Variants in MNAT1 observed in about 807,000 individuals in gnomAD.
The protein encoded by MNAT1 is MNAT1 component of CDK activating kinase.
Under a neutral mutation model 42.0 loss-of-function variants are expected in MNAT1, and 43 were observed. The ratio of observed to expected loss-of-function variants is 1.02; its 90% CI spans 0.80 to 1.32. The LOEUF (loss-of-function observed/expected upper bound fraction) is 1.32. Among genes scored for constraint, MNAT1 ranks in the 40% most tolerant of loss-of-function variants. The pLI is 0.00. For missense variants in MNAT1, 306 were observed against 350.4 expected (o/e 0.87, Z 1.01); for synonymous variants, 118 against 120.0 (o/e 0.98, Z 0.11).
chr14:60,968,633 A>G lies in MNAT1; in HGVS notation c.*284A>G. On this transcript the variant is annotated 3_prime_UTR_variant, in exon 8 of 8. Transcript: ENST00000261245. ...TCACCTATATGTGTTTGAGGTTGTG[A>G]CAGACTTATAAAATCTTTTTAAAAA... 1 of 747,976 alleles carries G rather than the reference A, an allele frequency of 1.3e-6. No individual in the cohort carries two copies. 46.3% of individuals were successfully genotyped at this position (747,976 alleles called of 1,614,324 possible).
chr14:60,813,329 T>C (rs2032613669), intron 5 of MNAT1, among the ~76,000 whole-genome samples: 1 of 152,154 alleles, frequency 6.6e-6, no homozygotes, highest in African/African-American at 2.4e-5. Flanking sequence ...ACCCACGTGC[T>C]CCCTCCCACA....
intron 6 of MNAT1, among the ~76,000 whole-genome samples, chr14:60,849,601 G>A (rs2033769770): frequency 2.0e-5 from 3 of 152,230 alleles, no homozygotes; most frequent in Admixed American, 6.5e-5. Flanking sequence ...CAGTGAACTT[G>A]CATGTAAATA....
chr14:60,841,475 G>A (rs2033550984), intron 6 of MNAT1, among the ~76,000 whole-genome samples: 1 of 150,332 alleles, frequency 6.7e-6, no homozygotes, highest in Non-Finnish European at 1.5e-5. Flanking sequence ...ATCTTTAGAT[G>A]TTCTGTTTGG....
At chr14:60,789,468 G>A (rs143601166) in intron 1 of MNAT1, among the ~76,000 whole-genome samples, 5 of 152,206 alleles carry the variant, frequency 3.3e-5, no homozygotes, top group African/African-American at 1.2e-4. Flanking sequence ...CCATGGCAGC[G>A]TTGCCACAAA....
At chr14:60,876,988 T>G (rs114914634) in intron 6 of MNAT1, among the ~76,000 whole-genome samples, 2 of 152,080 alleles carry the variant, frequency 1.3e-5, no homozygotes, top group Admixed American at 1.3e-4. Context: ...AATTCTGTTT[T>G]TAATTTTTTG....
chr14:60,835,882 G>A (rs1407872944), intron 6 of MNAT1, among the ~76,000 whole-genome samples: 1 of 152,104 alleles, frequency 6.6e-6, no homozygotes, highest in Admixed American at 6.5e-5. Context: ...GTCAAACGTA[G>A]GTTTGGTCTT....
chr14:60,810,367 C>A (rs2032505340), intron 4 of MNAT1, among the ~76,000 whole-genome samples: 1 of 151,466 alleles, frequency 6.6e-6, no homozygotes, highest in Non-Finnish European at 1.5e-5. Flanking sequence ...TTATTTTAAT[C>A]CTTTGTTCTG....
rs534565815 is a variant in MNAT1, at chr14:60,921,136, T to C, written c.809+41301T>C. On this transcript the variant is annotated intron_variant, in intron 7 of 7. Transcript: ENST00000261245. Reference sequence around the variant, plus strand: ...ATAAGGAAAACATAAACCTAAGAAATATTAGATGTTACATAAACTGTTGGA... The same window carrying C: ...ATAAGGAAAACATAAACCTAAGAAACATTAGATGTTACATAAACTGTTGGA... 1.7e-4 allele frequency among the ~76,000 whole-genome samples: 26 copies of C among 152,246 alleles called. No homozygotes were observed. In the South Asian group the frequency reaches 5.2e-3, roughly 30 times the overall value.
chr14:60,943,240 C>A (rs2036212812), intron 7 of MNAT1, among the ~76,000 whole-genome samples: 2 of 151,954 alleles, frequency 1.3e-5, no homozygotes, highest in South Asian at 4.1e-4. Flanking sequence ...TTCTATAGAT[C>A]TGAGTCACTT....
chr14:60,820,950 T>G lies in MNAT1; in HGVS notation c.687+2103T>G, dbSNP rs8015531. 5.4e-4 allele frequency among the ~76,000 whole-genome samples: 82 copies of G among 152,202 alleles called. 1 individual carries two copies. The highest frequency in any genetic ancestry group is 1.9e-3 in the African/African-American group (79 of 41,526). ...GTCAATGGTAAAATGGAGTTAGCCA[T>G]GCAAAAATACAGGCAGAGAAAAGAG... On this transcript the variant is annotated intron_variant, in intron 6 of 7. Coordinates refer to ENST00000261245, the MANE Select transcript of MNAT1 (RefSeq NM_002431.4).
chr14:60,842,073 G>A lies in MNAT1; in HGVS notation c.687+23226G>A, dbSNP rs544622161. Among the ~76,000 whole-genome samples, 4 of 152,218 alleles carry A rather than the reference G, an allele frequency of 2.6e-5. No individual in the cohort carries two copies. The South Asian group carries it at 6.2e-4, about 24-fold the overall frequency. ...TTCTCTAGAGCAGAGGTGGACAAACGGCAGCTAACTGACTAAATCCCACCT... is the reference window on the plus strand; with the variant it reads ...TTCTCTAGAGCAGAGGTGGACAAACAGCAGCTAACTGACTAAATCCCACCT... On this transcript the variant is annotated intron_variant, in intron 6 of 7. Transcript: ENST00000261245.
chr14:60,882,614 G>A (rs1383723461), intron 7 of MNAT1, among the ~76,000 whole-genome samples: 1 of 152,094 alleles, frequency 6.6e-6, no homozygotes, highest in Non-Finnish European at 1.5e-5. Flanking sequence ...TGGGATTGCT[G>A]GATCATATAG....
intron 6 of MNAT1, among the ~76,000 whole-genome samples, chr14:60,859,499 G>A (rs1014559736): frequency 6.6e-6 from 1 of 151,934 alleles, no homozygotes; most frequent in Non-Finnish European, 1.5e-5. Context: ...TTTTACATTG[G>A]GAAATATGAA....
rs888003440 is a variant in MNAT1, at chr14:60,969,147, C to T, written c.*798C>T. The T allele has an allele frequency of 1.1e-4, 16 of 152,218 alleles. No individual in the cohort carries two copies. Among genetic ancestry groups the T allele is most frequent in the African/African-American group, 3.9e-4 (16 of 41,420 alleles). 9.4% of individuals were successfully genotyped at this position (152,218 alleles called of 1,614,324 possible). A position where few individuals can be genotyped will look rare whatever the true frequency, so the allele number is the denominator to read the frequency against. On this transcript the variant is annotated 3_prime_UTR_variant, in exon 8 of 8. Transcript: ENST00000261245. Reference sequence around the variant, plus strand: ...GAAGGTACATTTTAAGTACAGTTCCCTATGTATAAATTGTATACTGATACA... The same window carrying T: ...GAAGGTACATTTTAAGTACAGTTCCTTATGTATAAATTGTATACTGATACA...
At chr14:60,887,625 CA>C (rs1161178493) in intron 7 of MNAT1, among the ~76,000 whole-genome samples, 3 of 151,704 alleles carry the variant, frequency 2.0e-5, no homozygotes, top group Admixed American at 6.6e-5. Context: ...AATAGAGACA[CA>C]AAAAACCCTT....
At chr14:60,799,513 A>G (rs2032132530) in intron 3 of MNAT1, 1 of 591,886 alleles carries the variant, frequency 1.7e-6, no homozygotes, top group Non-Finnish European at 2.1e-6. Flanking sequence ...AGTCTGGTCA[A>G]GCAATAAAGG....
At chr14:60,867,040 G>A (rs1389543238) in intron 6 of MNAT1, among the ~76,000 whole-genome samples, 1 of 152,060 alleles carries the variant, frequency 6.6e-6, no homozygotes, top group African/African-American at 2.4e-5. Flanking sequence ...TTTCACTGTA[G>A]TAAACAGATT....
At chr14:60,938,395 T>G (rs535787577) in intron 7 of MNAT1, among the ~76,000 whole-genome samples, 2 of 152,118 alleles carry the variant, frequency 1.3e-5, no homozygotes, top group Non-Finnish European at 2.9e-5. Context: ...TTTTGAGATA[T>G]GTCCCATCAA....
chr14:60,801,942 T>TA (rs2032214588), intron 3 of MNAT1, among the ~76,000 whole-genome samples: 1 of 152,136 alleles, frequency 6.6e-6, no homozygotes, highest in South Asian at 2.1e-4. Flanking sequence ...ACTTCAGCCT[T>TA]AAAAAAGAAG....
Sources: gnomAD v4.1 joint callset for allele counts (sites outside exome capture counted in the v4.1 genomes callset) on GRCh38, gnomAD v4.1.1 for gene constraint, MANE v1.5 for transcripts, NCBI Gene and HGNC (gene_info 2026-07-23, HGNC 2026-07-21) for gene names.